GALNT13: variants seen among roughly 807,000 people sequenced by gnomAD.
GALNT13 encodes the protein polypeptide N-acetylgalactosaminyltransferase 13.
In GALNT13, 28 loss-of-function variants were observed where a neutral mutation model predicts 64.2. That is an observed-to-expected ratio of 0.44 (90% confidence interval 0.32 to 0.60). GALNT13 has a LOEUF of 0.60. GALNT13 is among the 20% of genes least tolerant of loss of function. GALNT13 has a pLI of 0.05. For synonymous variants in GALNT13, 214 were observed against 224.6 expected, an observed-to-expected ratio of 0.95 and a Z score of 0.42; for missense variants, 577 against 669.8, an observed-to-expected ratio of 0.86 and a Z score of 1.53.
chr2:153,851,299 C>T, the GALNT13 span, among the ~76,000 whole-genome samples: 3 of 151,888 alleles, frequency 2.0e-5, no homozygotes, highest in South Asian at 6.2e-4. Context: ...AAGGAAAATG[C>T]CTTTCAAAAA....
intron 9 of GALNT13, among the ~76,000 whole-genome samples, chr2:154,307,014 A>G (rs1181881841): frequency 6.6e-6 from 1 of 151,194 alleles, no homozygotes; most frequent in Non-Finnish European, 1.5e-5. Flanking sequence ...TTAGCGTTAC[A>G]CTAAATTCAC....
chr2:154,434,565 G>A (rs1700858533), intron 11 of GALNT13, among the ~76,000 whole-genome samples: 1 of 152,074 alleles, frequency 6.6e-6, no homozygotes, highest in Non-Finnish European at 1.5e-5. Context: ...CCATAAAATG[G>A]AGCATAGACA....
intron 1 of GALNT13, among the ~76,000 whole-genome samples, chr2:153,872,626 G>GGGC (rs796082263): frequency 7.6e-6 from 1 of 131,416 alleles, no homozygotes; most frequent in South Asian, 2.7e-4. Flanking sequence ...TGGCGGGGGG[G>GGGC]GGGGGGGGAG....
intron 3 of GALNT13, among the ~76,000 whole-genome samples, chr2:154,023,090 C>T (rs1343974439): frequency 6.6e-6 from 1 of 152,098 alleles, no homozygotes; most frequent in East Asian, 1.9e-4. Context: ...TTTACATTTG[C>T]TGAGGAGTGC....
chr2:154,436,430 C>G (rs557327934), intron 11 of GALNT13: 2 of 149,998 alleles, frequency 1.3e-5, no homozygotes, highest in African/African-American at 5.1e-5. Context: ...TAAAAACGGC[C>G]TGAGCCATTA....
chr2:153,200,215 C>G, the GALNT13 span, among the ~76,000 whole-genome samples: 1 of 152,208 alleles, frequency 6.6e-6, no homozygotes, highest in Non-Finnish European at 1.5e-5. Flanking sequence ...ATACTGAAGA[C>G]AATCTAAGAC....
the GALNT13 span, among the ~76,000 whole-genome samples, chr2:153,128,759 T>C: frequency 2.0e-5 from 3 of 152,198 alleles, no homozygotes; most frequent in East Asian, 5.8e-4. Context: ...TAATTGGACT[T>C]ACAGTGCCAC....
chr2:153,208,063 T>A, the GALNT13 span: 14 of 9,858 alleles, frequency 1.4e-3, no homozygotes, highest in East Asian at 6.8e-3. Flanking sequence ...ATACAAATAT[T>A]TTTTTTTTTT....
chr2:153,610,846 A>AT, the GALNT13 span, among the ~76,000 whole-genome samples: 3 of 152,168 alleles, frequency 2.0e-5, no homozygotes, highest in African/African-American at 7.2e-5. Context: ...ATACTAGAAA[A>AT]TTTTGATTGC....
At chr2:153,283,142 C>A in the GALNT13 span, among the ~76,000 whole-genome samples, 1 of 152,232 alleles carries the variant, frequency 6.6e-6, no homozygotes, top group African/African-American at 2.4e-5. Context: ...CCCAGGGAGA[C>A]AAGAAAAAGA....
At chr2:153,442,511 A>G in the GALNT13 span, among the ~76,000 whole-genome samples, 8 of 152,272 alleles carry the variant, frequency 5.3e-5, no homozygotes, top group East Asian at 1.4e-3. Context: ...GAATAGTTTC[A>G]GAAGGAATGG....
the GALNT13 span, among the ~76,000 whole-genome samples, chr2:153,798,276 T>G: frequency 1.3e-5 from 2 of 152,194 alleles, no homozygotes; most frequent in Non-Finnish European, 2.9e-5. Flanking sequence ...TAGCATTTAC[T>G]TAAACAAATT....
chr2:153,423,756 T>C, the GALNT13 span, among the ~76,000 whole-genome samples: 34,185 of 151,510 alleles, frequency 0.23, 4,094 homozygotes, highest in Non-Finnish European at 0.25. Flanking sequence ...TAAACCTTTA[T>C]TGAAAGTTAT....
chr2:153,300,086 G>C, the GALNT13 span, among the ~76,000 whole-genome samples: 2 of 152,132 alleles, frequency 1.3e-5, no homozygotes, highest in African/African-American at 4.8e-5. Context: ...CAGCTAATGT[G>C]TTCTCAAATT....
chr2:154,248,312 CATA>C (rs113679511), intron 7 of GALNT13, among the ~76,000 whole-genome samples: 38,892 of 151,622 alleles, frequency 0.26, 5,335 homozygotes, highest in Admixed American at 0.37. Context: ...TTTTCATTTT[CATA>C]ATAAATGGAG....
chr2:153,374,267 G>A, the GALNT13 span, among the ~76,000 whole-genome samples: 1 of 152,128 alleles, frequency 6.6e-6, no homozygotes, highest in Non-Finnish European at 1.5e-5. Flanking sequence ...TTACCTGTTA[G>A]CCATCCAAAC....
chr2:154,409,072 G>C lies in GALNT13; in HGVS notation c.1385G>C (p.Gly462Ala). Reference protein sequence around the residue: ...KVGIFNCHGMGGNQVFSYTAD... With the variant: ...KVGIFNCHGMAGNQVFSYTAD... Reference sequence around the variant, plus strand: ...GGTATATTCAACTGTCATGGTATGGGAGGAAATCAGGTAAACTCTCCCTTT... The same window carrying C: ...GGTATATTCAACTGTCATGGTATGGCAGGAAATCAGGTAAACTCTCCCTTT... Residue 462 changes from glycine to alanine, a missense_variant, in exon 11 of 13, where the codon GGA (glycine) becomes GCA (alanine). By Grantham distance (60) the Gly-to-Ala change is moderately conservative (BLOSUM62 0). Around this residue, in one of 3 missense-constraint regions of GALNT13, gnomAD observed 232 missense variants for 270.6 expected, o/e 0.86. Coordinates refer to ENST00000392825, the MANE Select transcript of GALNT13 (RefSeq NM_052917.4). 6.2e-7 allele frequency: 1 copy of C among 1,601,480 alleles called. No individual in the cohort carries two copies. The highest frequency in any genetic ancestry group is 2.2e-5 in the East Asian group (1 of 44,680).
At chr2:153,919,195 C>T (rs1481048861) in intron 2 of GALNT13, among the ~76,000 whole-genome samples, 1 of 151,748 alleles carries the variant, frequency 6.6e-6, no homozygotes, top group Non-Finnish European at 1.5e-5. Context: ...CTTTATGGCA[C>T]CCTCATTTTC....
At chr2:153,701,664 T>C in the GALNT13 span, among the ~76,000 whole-genome samples, 7 of 151,922 alleles carry the variant, frequency 4.6e-5, no homozygotes, top group East Asian at 1.4e-3. Flanking sequence ...CATCGAAAAA[T>C]GGGCAAAGGA....
Sources: allele counts gnomAD v4.1 joint callset (sites outside exome capture counted in the v4.1 genomes callset), GRCh38; gene constraint gnomAD v4.1.1; regional missense constraint gnomAD v4.1.1; transcripts MANE v1.5; gene names NCBI Gene and HGNC (gene_info 2026-07-23, HGNC 2026-07-21).